Variants in DPH6 observed in about 807,000 individuals in gnomAD.
DPH6 encodes the protein diphthine--ammonia ligase.
A neutral mutation model predicts 38.2 loss-of-function variants in DPH6; 33 were observed. That is an observed-to-expected ratio of 0.86 (90% CI 0.65 to 1.15). The LOEUF (loss-of-function observed/expected upper bound fraction) is 1.15. Among genes scored for constraint, DPH6 ranks in the 50% most tolerant of loss-of-function variants. DPH6 has a pLI of 0.00. For synonymous variants in DPH6, 108 were observed against 103.0 expected (o/e 1.05, Z -0.30); for missense variants, 325 against 320.0 (o/e 1.02, Z -0.12).
chr15:35,428,310 A>G (rs2141027014), intron 5 of DPH6, among the ~76,000 whole-genome samples: 2 of 152,176 alleles, frequency 1.3e-5, no homozygotes, highest in East Asian at 3.9e-4. Flanking sequence ...AAATTTTTCT[A>G]TAAAACTGTC....
At chr15:35,385,022 C>T (rs1198707447) in intron 6 of DPH6, among the ~76,000 whole-genome samples, 1 of 152,168 alleles carries the variant, frequency 6.6e-6, no homozygotes, top group African/African-American at 2.4e-5. Context: ...AAAAAAAGCT[C>T]ATCATCACTG....
intron 6 of DPH6, among the ~76,000 whole-genome samples, chr15:35,409,825 T>A (rs1042158021): frequency 6.6e-6 from 1 of 151,874 alleles, no homozygotes. Flanking sequence ...AAACCAAATA[T>A]AATTTATCAC....
chr15:35,277,779 G>T (rs2051869231), intron 3 of DPH6, among the ~76,000 whole-genome samples: 1 of 152,158 alleles, frequency 6.6e-6, no homozygotes, highest in East Asian at 1.9e-4. Context: ...GCTGCATTGT[G>T]TTCATGTCCT....
intron 3 of DPH6, among the ~76,000 whole-genome samples, chr15:35,235,466 AT>A (rs1339245038): frequency 2.0e-5 from 3 of 152,208 alleles, no homozygotes; most frequent in African/African-American, 7.2e-5. Context: ...AAAAAATCCA[AT>A]AAAAATATTA....
At chr15:35,313,136 G>A (rs2052158614) in intron 3 of DPH6, among the ~76,000 whole-genome samples, 1 of 152,096 alleles carries the variant, frequency 6.6e-6, no homozygotes, top group Non-Finnish European at 1.5e-5. Flanking sequence ...GGAAGGCTGA[G>A]GCAGGAGAAT....
At chr15:35,435,880 C>T (rs189476463) in intron 5 of DPH6, among the ~76,000 whole-genome samples, 38 of 152,142 alleles carry the variant, frequency 2.5e-4, no homozygotes, top group African/African-American at 8.9e-4. Context: ...GTCCCTTCTT[C>T]GCTCTCGGGG....
chr15:35,347,778 G>A (rs1263773416), intron 3 of DPH6, among the ~76,000 whole-genome samples: 1 of 151,824 alleles, frequency 6.6e-6, no homozygotes, highest in African/African-American at 2.4e-5. Flanking sequence ...AAGTGCATGA[G>A]GGTTCCAATT....
At chr15:35,425,135 T>C (rs1198755858) in intron 5 of DPH6, among the ~76,000 whole-genome samples, 2 of 151,638 alleles carry the variant, frequency 1.3e-5, no homozygotes, top group Non-Finnish European at 3.0e-5. Context: ...GCAAATGTTA[T>C]AACATACCCT....
chr15:35,401,840 C>A, intron 6 of DPH6: 1 of 529,712 alleles, frequency 1.9e-6, no homozygotes, highest in Non-Finnish European at 3.6e-6. Flanking sequence ...CAGGTTATAA[C>A]AGATTTGTGA....
chr15:35,413,934 GA>G (rs2053403700), intron 5 of DPH6, among the ~76,000 whole-genome samples: 3 of 151,554 alleles, frequency 2.0e-5, no homozygotes, highest in Admixed American at 6.6e-5. Flanking sequence ...AATCATCTGT[GA>G]TTTTTTACAT....
rs2055204351 is a variant in DPH6 at position 35,538,418 on chromosome 15, A to G, written c.168T>C (p.His56=). Residue 56 remains histidine, a synonymous_variant, in exon 3 of 9, where the codon CAT becomes CAC. Transcript: ENST00000256538. ...DSYMYQTVGH[H]AIDLYAEAMA... ...TTGCTTCTGCATACAAGTCAATGGC[A>G]TGGTGCCCCACTGTCTGATACATGT... 1.9e-6 allele frequency: 3 copies of G among 1,604,826 alleles called. No individual in the cohort carries two copies. In the South Asian group the frequency reaches 3.3e-5, roughly 18 times the overall value.
intron 3 of DPH6, among the ~76,000 whole-genome samples, chr15:35,288,063 T>G (rs1259640503): frequency 6.6e-6 from 1 of 152,180 alleles, no homozygotes; most frequent in Admixed American, 6.5e-5. Flanking sequence ...CCTGTCTGAA[T>G]TCTATATGCC....
chr15:35,444,525 T>A (rs141987813), intron 5 of DPH6, among the ~76,000 whole-genome samples: 12 of 152,186 alleles, frequency 7.9e-5, no homozygotes, highest in Non-Finnish European at 1.8e-4. Context: ...ACAACTTCCA[T>A]AGCAATTGGA....
the DPH6 span, among the ~76,000 whole-genome samples, chr15:35,165,931 C>A: frequency 6.6e-5 from 10 of 151,948 alleles, no homozygotes; most frequent in East Asian, 1.9e-3. Context: ...AACTGTTATA[C>A]CTCATATCAG....
chr15:35,421,063 A>C (rs2053498870), intron 5 of DPH6, among the ~76,000 whole-genome samples: 1 of 152,180 alleles, frequency 6.6e-6, no homozygotes. Context: ...CATTCCTAGA[A>C]ACCTATAACC....
chr15:35,167,970 G>T, the DPH6 span, among the ~76,000 whole-genome samples: 1 of 151,976 alleles, frequency 6.6e-6, no homozygotes, highest in African/African-American at 2.4e-5. Context: ...TTGGCCCTGC[G>T]GATCTAGTCT....
At chr15:35,211,319 A>G in the DPH6 span, among the ~76,000 whole-genome samples, 340 of 152,314 alleles carry the variant, frequency 2.2e-3, no homozygotes, top group Non-Finnish European at 4.3e-3. Context: ...ATTAAAGCTC[A>G]GTGAAAAGAA....
At chr15:35,195,224 C>A in the DPH6 span, among the ~76,000 whole-genome samples, 1 of 152,168 alleles carries the variant, frequency 6.6e-6, no homozygotes, top group African/African-American at 2.4e-5. Context: ...CAGTTCCATC[C>A]ATGTGGCTAC....
the DPH6 span, among the ~76,000 whole-genome samples, chr15:35,202,336 T>C: frequency 2.4e-3 from 369 of 151,922 alleles, 1 homozygote; most frequent in East Asian, 0.021. Context: ...AGCAGAACTT[T>C]CATGTTACCA....
Sources: allele counts gnomAD v4.1 joint callset (sites outside exome capture counted in the v4.1 genomes callset), GRCh38; gene constraint gnomAD v4.1.1; transcripts MANE v1.5; gene names NCBI Gene and HGNC (gene_info 2026-07-23, HGNC 2026-07-21).